Variants in LIMD1 observed in about 807,000 individuals in gnomAD.
LIMD1 encodes LIM domain containing 1, also known as LIM domain-containing protein 1.
Under a neutral mutation model 58.4 loss-of-function variants are expected in LIMD1, and 23 were observed. The observed-to-expected ratio is 0.39, with a 90% CI of 0.28 to 0.56. LIMD1 has a LOEUF of 0.56. Ranked by LOEUF, LIMD1 falls within the 20% of genes least tolerant of loss-of-function variation. The probability of loss-of-function intolerance (pLI) is 0.57; values close to 1 mark genes in which losing one functional copy is unlikely to be tolerated. For missense variants in LIMD1, 838 were observed against 855.5 expected, an observed-to-expected ratio of 0.98 and a Z score of 0.25; for synonymous variants, 334 against 345.5, an observed-to-expected ratio of 0.97 and a Z score of 0.37.
At chr3:45,625,901 G>C (rs761908707) in intron 1 of LIMD1, among the ~76,000 whole-genome samples, 3 of 152,166 alleles carry the variant, frequency 2.0e-5, no homozygotes, top group Non-Finnish European at 2.9e-5. Flanking sequence ...AAGATATGGC[G>C]ATACTAAAAT....
chr3:45,672,412 G>C (rs1697596671), intron 4 of LIMD1, among the ~76,000 whole-genome samples: 1 of 152,078 alleles, frequency 6.6e-6, no homozygotes, highest in South Asian at 2.1e-4. Context: ...TTCCTGTTCT[G>C]GGTGAGGGTT....
chr3:45,668,927 C>T (rs1697556722), intron 4 of LIMD1, among the ~76,000 whole-genome samples: 1 of 152,226 alleles, frequency 6.6e-6, no homozygotes, highest in Non-Finnish European at 1.5e-5. Flanking sequence ...CCTCTGGCTT[C>T]TCTGTGATCC....
At chr3:45,597,040 T>TA (rs56781103) in intron 1 of LIMD1, among the ~76,000 whole-genome samples, 11 of 151,214 alleles carry the variant, frequency 7.3e-5, no homozygotes, top group Admixed American at 5.9e-4. Context: ...TTTTTTTTTT[T>TA]AAGTAGAGAC....
At position 45,677,178 on chromosome 3, in the gene LIMD1, C is replaced by T; in HGVS notation, c.*119C>T. ...AAGAGGAGGGGCAGGAGGGAGAGTT[C>T]CTGTGAGCATGTGGGGGGTGCCTTT... On this transcript the variant is annotated 3_prime_UTR_variant, in exon 8 of 8. Transcript: ENST00000273317. 8.6e-7 allele frequency: 1 copy of T among 1,157,346 alleles called. No individual in the cohort carries two copies. The highest frequency in any genetic ancestry group is 1.5e-5 in the African/African-American group (1 of 65,736). The allele number at this position is 1,157,346 out of a possible 1,614,324, so 71.7% of individuals were successfully genotyped here. A position where few individuals can be genotyped will look rare whatever the true frequency, so the allele number is the denominator to read the frequency against.
At position 45,672,810 on chromosome 3, in the gene LIMD1, G is replaced by A; in HGVS notation, c.1762G>A (p.Asp588Asn). ...AGAGAACAAGATCTACTGTGTCCGA[G>A]ATTACCACAAGTAAGAAGGGATGGG... The part of the protein sequence containing the change: ...DSENKIYCVR[D>N]YHKVLAPKCA... The change falls in exon 5 of 8, where the codon GAT (aspartate) becomes AAT (asparagine). Residue 588 changes from aspartate (D) to asparagine (N), a missense_variant. Asp to Asn is a conservative substitution (Grantham distance 23). This residue lies in a region of LIMD1 where 174 missense variants were observed against 197.4 expected (regional missense o/e 0.88). Coordinates refer to ENST00000273317, the MANE Select transcript of LIMD1 (RefSeq NM_014240.3). 6.2e-7 allele frequency: 1 copy of A among 1,613,842 alleles called. No homozygotes were observed. Among genetic ancestry groups the A allele is most frequent in the Non-Finnish European group, 8.5e-7 (1 of 1,179,840 alleles).
intron 1 of LIMD1, among the ~76,000 whole-genome samples, chr3:45,610,365 C>T (rs990687351): frequency 2.6e-5 from 4 of 152,212 alleles, no homozygotes; most frequent in African/African-American, 9.7e-5. Flanking sequence ...CCACATCCCT[C>T]ACCCTGACCA....
chr3:45,629,187 G>A (rs541792994), intron 1 of LIMD1, among the ~76,000 whole-genome samples: 124 of 152,200 alleles, frequency 8.1e-4, no homozygotes, highest in African/African-American at 2.6e-3. Context: ...GCCGAGGCGG[G>A]CAGATCATGA....
intron 2 of LIMD1, among the ~76,000 whole-genome samples, chr3:45,663,238 A>G (rs943423115): frequency 3.3e-5 from 5 of 152,208 alleles, no homozygotes; most frequent in Non-Finnish European, 7.3e-5. Context: ...AGACGCTTCT[A>G]GTTTTTCCAT....
At position 45,681,126 on chromosome 3, in the gene LIMD1, A is replaced by C. The variant is rs576103617; in HGVS notation, c.*4067A>C. 1 of 152,048 alleles carries C rather than the reference A, an allele frequency of 6.6e-6. No individual in the cohort carries two copies. Among genetic ancestry groups the C allele is most frequent in the Non-Finnish European group, 1.5e-5 (1 of 68,012 alleles). The allele number at this position is 152,048 out of a possible 1,614,324, so 9.4% of individuals were successfully genotyped here. A position where few individuals can be genotyped will look rare whatever the true frequency, so the allele number is the denominator to read the frequency against. ...ATATAGTGTATGAAAATTTCATTGT[A>C]CAGGGAAATTATTTTCCTCTGTGTC... On this transcript the variant is annotated 3_prime_UTR_variant, in exon 8 of 8. Coordinates refer to ENST00000273317, the MANE Select transcript of LIMD1 (RefSeq NM_014240.3).
intron 2 of LIMD1, among the ~76,000 whole-genome samples, chr3:45,655,078 C>T (rs1434134431): frequency 6.6e-6 from 1 of 151,896 alleles, no homozygotes; most frequent in Non-Finnish European, 1.5e-5. Context: ...CGCCACCAGG[C>T]CTGGCTAATT....
At chr3:45,613,016 A>G (rs2125651570) in intron 1 of LIMD1, 1 of 152,256 alleles carries the variant, frequency 6.6e-6, no homozygotes, top group South Asian at 2.1e-4. Context: ...TTCATGGTCT[A>G]TTTAGTGCCA....
intron 3 of LIMD1, among the ~76,000 whole-genome samples, chr3:45,666,521 C>T (rs994788639): frequency 3.9e-5 from 6 of 152,062 alleles, no homozygotes; most frequent in Non-Finnish European, 7.4e-5. Flanking sequence ...CTCATGCCTT[C>T]GTGCCTTTGC....
chr3:45,663,888 T>TTTTTTTTG (rs1697476675), intron 2 of LIMD1, among the ~76,000 whole-genome samples: 1 of 142,286 alleles, frequency 7.0e-6, no homozygotes, highest in African/African-American at 2.9e-5. Context: ...TTTTTTTTTT[T>TTTTTTTTG]GAGACAGAGT....
chr3:45,618,747 G>A (rs1016427390), intron 1 of LIMD1, among the ~76,000 whole-genome samples: 3 of 151,814 alleles, frequency 2.0e-5, no homozygotes, highest in African/African-American at 7.3e-5. Context: ...AAGCCACAAC[G>A]ATGCCCGAGG....
rs1026466642 is a variant in LIMD1, at chr3:45,685,969, C to T, written c.*8910C>T. 3 of 152,178 alleles carry T rather than the reference C, an allele frequency of 2.0e-5. No individual in the cohort carries two copies. The highest frequency in any genetic ancestry group is 7.2e-5 in the African/African-American group (3 of 41,422). The allele number at this position is 152,178 out of a possible 1,614,324, so 9.4% of individuals were successfully genotyped here. On this transcript the variant is annotated 3_prime_UTR_variant, in exon 8 of 8. Transcript: ENST00000273317. ...TTGGCTCTTTCACTGGCACCCCTTCCTCAAGGACTTAACTTGTGCAAGCTG... is the reference window on the plus strand; with the variant it reads ...TTGGCTCTTTCACTGGCACCCCTTCTTCAAGGACTTAACTTGTGCAAGCTG...
chr3:45,681,537 C>T lies in LIMD1; in HGVS notation c.*4478C>T, dbSNP rs1697742315. ...AGATTATCAGCATTTACACTGGTTC[C>T]CTGAGCCCCAGGCCCCAAGAAGAGG... is the stretch of plus-strand genomic sequence containing the variant. On this transcript the variant is annotated 3_prime_UTR_variant, in exon 8 of 8. Coordinates refer to ENST00000273317, the MANE Select transcript of LIMD1 (RefSeq NM_014240.3). 1 of 152,234 alleles carries T rather than the reference C, an allele frequency of 6.6e-6. No homozygotes were observed. Among genetic ancestry groups the T allele is most frequent in the Admixed American group, 6.5e-5 (1 of 15,292 alleles). The allele number at this position is 152,234 out of a possible 1,614,324, so 9.4% of individuals were successfully genotyped here. A position where few individuals can be genotyped will look rare whatever the true frequency, so the allele number is the denominator to read the frequency against.
In LIMD1 at chr3:45,599,603, A is replaced by G. The variant is rs146299825; in HGVS notation, c.1408+3316A>G. Among the ~76,000 whole-genome samples, 68 of 152,292 alleles carry G rather than the reference A, an allele frequency of 4.5e-4. No homozygotes were observed. The East Asian group carries it at 0.011, about 25-fold the overall frequency. On this transcript the variant is annotated intron_variant, in intron 1 of 7. Coordinates refer to ENST00000273317, the MANE Select transcript of LIMD1 (RefSeq NM_014240.3). ...CACAGCGTCTTGGCAGTGGCTCTAC[A>G]TCAGCATGTGTTCAGCTGGCTATAC...
intron 7 of LIMD1, among the ~76,000 whole-genome samples, chr3:45,676,575 T>C (rs1463735626): frequency 6.6e-6 from 1 of 152,212 alleles, no homozygotes; most frequent in East Asian, 1.9e-4. Context: ...GTTCCTTTGT[T>C]AGTTTGCTGA....
chr3:45,628,847 TGCATGTAACA>T (rs1343033571), intron 1 of LIMD1, among the ~76,000 whole-genome samples: 1 of 152,244 alleles, frequency 6.6e-6, no homozygotes, highest in African/African-American at 2.4e-5. Flanking sequence ...GAGCTCCTGC[TGCATGTAACA>T]GCATGCGTGA....
Sources: gnomAD v4.1 joint callset for allele counts (sites outside exome capture counted in the v4.1 genomes callset) on GRCh38, gnomAD v4.1.1 for gene constraint, gnomAD v4.1.1 regional missense constraint, MANE v1.5 for transcripts, NCBI Gene and HGNC (gene_info 2026-07-23, HGNC 2026-07-21) for gene names.